The following FAM124B variants were observed in gnomAD, a reference collection of about 807,000 sequenced individuals.
FAM124B encodes the protein protein FAM124B.
FAM124B carries 18 observed loss-of-function variants against 19.7 expected under a neutral mutation model. The ratio of observed to expected loss-of-function variants is 0.92; its 90% CI spans 0.63 to 1.36. The LOEUF (loss-of-function observed/expected upper bound fraction) is 1.36, where lower values mean the gene tolerates loss of function less well. Among genes scored for constraint, FAM124B ranks in the 40% most tolerant of loss-of-function variants. The pLI, the probability that FAM124B is intolerant of heterozygous loss-of-function variation, is 0.00. For missense variants in FAM124B, 540 were observed against 553.3 expected (o/e 0.98, Z 0.24); for synonymous variants, 223 against 225.2 (o/e 0.99, Z 0.09).
intron 1 of FAM124B, among the ~76,000 whole-genome samples, chr2:224,394,891 C>T (rs941241339): frequency 7.2e-5 from 11 of 152,162 alleles, no homozygotes; most frequent in African/African-American, 2.2e-4. Context: ...GTACTGCAGG[C>T]GCTTGCAGGA....
chr2:224,389,630 G>A (rs1447885858), intron 1 of FAM124B, among the ~76,000 whole-genome samples: 2 of 152,246 alleles, frequency 1.3e-5, no homozygotes, highest in Non-Finnish European at 2.9e-5. Flanking sequence ...GTCGGGGGCG[G>A]GGAGAGGAGG....
intron 1 of FAM124B, among the ~76,000 whole-genome samples, chr2:224,380,437 G>GT (rs1203741543): frequency 6.6e-6 from 1 of 152,146 alleles, no homozygotes; most frequent in Non-Finnish European, 1.5e-5. Context: ...TTTGACAAGG[G>GT]TAAGACTTTG....
intron 1 of FAM124B, among the ~76,000 whole-genome samples, chr2:224,391,510 T>A (rs1285405633): frequency 6.6e-6 from 1 of 152,182 alleles, no homozygotes; most frequent in Non-Finnish European, 1.5e-5. Context: ...GGAAAAAGTA[T>A]CAAGTTTCGC....
intron 1 of FAM124B, among the ~76,000 whole-genome samples, chr2:224,399,138 A>G (rs902478397): frequency 5.3e-5 from 8 of 152,242 alleles, no homozygotes; most frequent in Non-Finnish European, 1.2e-4. Flanking sequence ...CAACTTTCCA[A>G]AGTAACTAAG....
chr2:224,384,887 C>A (rs1222921126), intron 1 of FAM124B, among the ~76,000 whole-genome samples: 1 of 152,140 alleles, frequency 6.6e-6, no homozygotes, highest in Admixed American at 6.5e-5. Flanking sequence ...ACTTTCTTAT[C>A]TTGGATGTTT....
intron 1 of FAM124B, among the ~76,000 whole-genome samples, chr2:224,397,505 G>C (rs1438824956): frequency 6.6e-6 from 1 of 152,174 alleles, no homozygotes; most frequent in African/African-American, 2.4e-5. Flanking sequence ...ATGTGGAAGC[G>C]ACTTTGGAAC....
At chr2:224,390,189 C>T (rs975415897) in intron 1 of FAM124B, among the ~76,000 whole-genome samples, 5 of 149,698 alleles carry the variant, frequency 3.3e-5, no homozygotes, top group Non-Finnish European at 7.4e-5. Flanking sequence ...GAATGAACCC[C>T]TTAATTAAAA....
chr2:224,401,572 C>T lies in FAM124B; in HGVS notation c.197G>A (p.Gly66Glu). Residue 66 changes from glycine to glutamate, a missense_variant, in exon 1 of 2, where the codon GGG becomes GAG. Transcript: ENST00000409685. The part of the protein sequence containing the change: ...KSHSKRSRFP[G>E]MSVLLFLHES... ...GTGCAGGAAGAGCAACACGGACATC[C>T]CTGGAAACCGGGACCGCTTGGAATG... 1 of 1,614,190 alleles carries T rather than the reference C, an allele frequency of 6.2e-7. No individual in the cohort carries two copies. The highest frequency in any genetic ancestry group is 8.5e-7 in the Non-Finnish European group (1 of 1,180,040).
chr2:224,380,382 G>T (rs1161245100), intron 1 of FAM124B, among the ~76,000 whole-genome samples, 174 bp from the exon 2 acceptor site: 5 of 152,102 alleles, frequency 3.3e-5, no homozygotes, highest in African/African-American at 1.2e-4. Context: ...TATCTAATCA[G>T]ACCCAGCCCC....
Position 224,401,076 on chromosome 2 carries a change from C to T in FAM124B, c.693G>A (p.Trp231Ter). 1.2e-6 allele frequency: 2 copies of T among 1,610,494 alleles called. No individual in the cohort carries two copies. Among genetic ancestry groups the T allele is most frequent in the Non-Finnish European group, 1.7e-6 (2 of 1,177,516 alleles). ...NPCMPISSTRWQTQDYDGNKI... is the reference protein window; with the variant it reads ...NPCMPISSTR ...TGTTGCCATCGTAGTCCTGAGTCTG[C>T]CACCTGGTGCTGCTGATAGGCATGC... The change falls in exon 1 of 2, where the codon TGG becomes TGA. Residue 231 changes from tryptophan (W) to a stop codon, truncating the protein, a stop_gained. Coordinates refer to ENST00000409685, the MANE Select transcript of FAM124B (RefSeq NM_001122779.2). LOFTEE classifies it low-confidence loss of function (END_TRUNC).
chr2:224,380,240 C>T (rs867491081), intron 1 of FAM124B, 32 bp from the exon 2 acceptor site: 3 of 1,496,542 alleles, frequency 2.0e-6, no homozygotes, highest in Admixed American at 2.3e-5. Flanking sequence ...ACATATGAAA[C>T]ATAATTTCCA....
Position 224,380,005 on chromosome 2 carries a change from A to C in FAM124B, c.936T>G (p.Thr312=), listed in dbSNP as rs1468558656. 1 of 1,551,718 alleles carries C rather than the reference A, an allele frequency of 6.4e-7. No individual in the cohort carries two copies. The highest frequency in any genetic ancestry group is 2.4e-5 in the East Asian group (1 of 40,902). ...GSPTSDRCAG[T]SWKSPGRSFQ... ...ATGACCGGCCAGGGCTTTTCCACGA[A>C]GTGCCAGCACACCTGTCTGATGTGG... The change falls in exon 2 of 2, where the codon ACT becomes ACG. Residue 312 remains threonine (T), a synonymous_variant. Coordinates refer to ENST00000409685, the MANE Select transcript of FAM124B (RefSeq NM_001122779.2).
At chr2:224,400,996 C>A in intron 1 of FAM124B, 41 bp downstream of exon 1, 1 of 1,544,156 alleles carries the variant, frequency 6.5e-7, no homozygotes, top group South Asian at 1.3e-5. Flanking sequence ...AATTACACAG[C>A]TCCATGAGCC....
At chr2:224,400,295 C>A (rs1372672667) in intron 1 of FAM124B, 4 of 546,440 alleles carry the variant, frequency 7.3e-6, no homozygotes, top group African/African-American at 3.8e-5. Context: ...GTACTGCAAA[C>A]TTAACATCCC....
intron 1 of FAM124B, among the ~76,000 whole-genome samples, chr2:224,398,964 G>A (rs908876403): frequency 2.0e-4 from 31 of 152,312 alleles, no homozygotes; most frequent in African/African-American, 6.7e-4. Flanking sequence ...GCAACAGAGA[G>A]AGACTCTGTC....
chr2:224,400,377 G>T, intron 1 of FAM124B: 1 of 657,146 alleles, frequency 1.5e-6, no homozygotes. Context: ...ATGGCGGCAC[G>T]TGCCTGTAGT....
intron 1 of FAM124B, among the ~76,000 whole-genome samples, chr2:224,382,923 T>A (rs1405348520): frequency 6.6e-6 from 1 of 152,076 alleles, no homozygotes; most frequent in Non-Finnish European, 1.5e-5. Context: ...CACACACACC[T>A]GAAACCCCTA....
At chr2:224,386,739 C>A (rs55977314) in intron 1 of FAM124B, among the ~76,000 whole-genome samples, 7,157 of 152,210 alleles carry the variant, frequency 0.047, 179 homozygotes, top group Non-Finnish European at 0.054. Context: ...CAGTGCCTAG[C>A]ACAGTGCCTA....
intron 1 of FAM124B, 52 bp downstream of exon 1, chr2:224,400,983 TAA>T: frequency 6.5e-7 from 1 of 1,528,694 alleles, no homozygotes; most frequent in Non-Finnish European, 8.8e-7. Context: ...CATTCCGATG[TAA>T]AATTACACAG....
Sources: allele counts gnomAD v4.1 joint callset (sites outside exome capture counted in the v4.1 genomes callset), GRCh38; gene constraint gnomAD v4.1.1; transcripts MANE v1.5; gene names NCBI Gene and HGNC (gene_info 2026-07-23, HGNC 2026-07-21).